Variants in SLC16A3 observed in about 807,000 individuals in gnomAD.
SLC16A3 encodes the protein monocarboxylate transporter 4.
Under a neutral mutation model 25.0 loss-of-function variants are expected in SLC16A3, and 22 were observed. The ratio of observed to expected loss-of-function variants is 0.88; its 90% confidence interval spans 0.63 to 1.26. The LOEUF (loss-of-function observed/expected upper bound fraction) is 1.26, where lower values mean the gene tolerates loss of function less well. Among genes scored for constraint, SLC16A3 ranks in the 50% most tolerant of loss-of-function variants. The pLI, the probability that SLC16A3 is intolerant of heterozygous loss-of-function variation, is 0.00. For missense variants in SLC16A3, 731 were observed against 666.6 expected, an observed-to-expected ratio of 1.10 and a Z score of -1.06; for synonymous variants, 390 against 309.2, an observed-to-expected ratio of 1.26 and a Z score of -2.74.
At position 82,238,846 on chromosome 17, in the gene SLC16A3, C is replaced by T. The variant is rs537652038; in HGVS notation, c.1268C>T (p.Ala423Val). 98 of 1,612,432 alleles carry T rather than the reference C, an allele frequency of 6.1e-5. No homozygotes were observed. The South Asian group carries it at 6.2e-4, about 10-fold the overall frequency. ...KPKEPQPEVA[A>V]AEEEKLHKPP... ...AAAGAGCCACAGCCTGAGGTGGCGGCCGCGGAGGAGGAGAAGCTCCACAAG... is the reference window on the plus strand; with the variant it reads ...AAAGAGCCACAGCCTGAGGTGGCGGTCGCGGAGGAGGAGAAGCTCCACAAG... Residue 423 changes from alanine (A) to valine (V), a missense_variant, in exon 5 of 5, where the codon GCC becomes GTC. Transcript: ENST00000582743.
chr17:82,225,165 G>A (rs868414121), upstream of SLC16A3, among the ~76,000 whole-genome samples: 1 of 152,170 alleles, frequency 6.6e-6, no homozygotes, highest in Non-Finnish European at 1.5e-5. Context: ...AGGAGGCTGA[G>A]GCAGGAAAAT....
intron 1 of SLC16A3, chr17:82,234,966 C>T (rs1230672358): frequency 1.3e-5 from 2 of 152,252 alleles, no homozygotes; most frequent in African/African-American, 4.8e-5. Context: ...GCCGGTTGGA[C>T]TAGACCACCC....
upstream of SLC16A3, among the ~76,000 whole-genome samples, chr17:82,226,860 G>T (rs1438147730): frequency 6.6e-6 from 1 of 152,146 alleles, no homozygotes; most frequent in Non-Finnish European, 1.5e-5. Context: ...CAAGTGGCCT[G>T]CTTGATAGCT....
rs1255477767 is a variant in SLC16A3, at chr17:82,237,746, A to G, written c.976A>G (p.Ile326Val). The G allele has an allele frequency of 1.9e-6, 3 of 1,612,020 alleles. No individual in the cohort carries two copies. Among genetic ancestry groups the G allele is most frequent in the Non-Finnish European group, 1.7e-6 (2 of 1,179,934 alleles). The change falls in exon 4 of 5, where the codon ATC becomes GTC. Residue 326 changes from isoleucine (I) to valine (V), a missense_variant. Coordinates refer to ENST00000582743, the MANE Select transcript of SLC16A3 (RefSeq NM_004207.4). The stretch of plus-strand genomic sequence containing the variant: ...CTACGGCGGCCTCGTGGTCTTCTGC[A>G]TCTTCTTTGGCATCTCCTACGGCAT... ...GDYGGLVVFC[I>V]FFGISYGMVG...
Position 82,237,514 on chromosome 17 carries a change from C to G in SLC16A3, c.744C>G (p.Phe248Leu), listed in dbSNP as rs61742925. The part of the protein sequence containing the change: ...MVLGLFVPPV[F>L]VVSYAKDLGV... ...TGGGGCTCTTCGTCCCGCCCGTGTT[C>G]GTGGTGAGCTACGCCAAGGACCTGG... Residue 248 changes from phenylalanine (F) to leucine (L), a missense_variant, in exon 4 of 5, where the codon TTC becomes TTG. By Grantham distance (22) the Phe-to-Leu change is conservative (BLOSUM62 0). Transcript: ENST00000582743. The G allele has an allele frequency of 6.2e-7, 1 of 1,611,654 alleles. No homozygotes were observed. The highest frequency in any genetic ancestry group is 8.5e-7 in the Non-Finnish European group (1 of 1,179,528).
At chr17:82,230,338 A>G (rs1248031857) in intron 1 of SLC16A3, 2 of 152,282 alleles carry the variant, frequency 1.3e-5, no homozygotes, top group African/African-American at 2.4e-5. Flanking sequence ...CCAGGGCCCC[A>G]TGGTGTGGAC....
intron 1 of SLC16A3, chr17:82,230,822 A>C (rs894688094): frequency 1.1e-4 from 16 of 152,108 alleles, no homozygotes; most frequent in African/African-American, 3.9e-4. Flanking sequence ...CACCTGCCCG[A>C]GTCAGGCCCA....
At chr17:82,224,840 C>T (rs2050412404), upstream of SLC16A3, among the ~76,000 whole-genome samples, 1 of 152,180 alleles carries the variant, frequency 6.6e-6, no homozygotes, top group African/African-American at 2.4e-5. Flanking sequence ...CTCTCATAAC[C>T]CTACACCATG....
chr17:82,229,479 A>G (rs111485030), intron 1 of SLC16A3: 1 of 152,078 alleles, frequency 6.6e-6, no homozygotes, highest in African/African-American at 2.4e-5. Flanking sequence ...GGCGCGGGCT[A>G]TATTTGGTGG....
At position 82,238,957 on chromosome 17, in the gene SLC16A3, C is replaced by G. The variant is rs2050694227; in HGVS notation, c.1379C>G (p.Thr460Ser). 1.3e-6 allele frequency: 2 copies of G among 1,542,046 alleles called. No individual in the cohort carries two copies. The highest frequency in any genetic ancestry group is 1.8e-6 in the Non-Finnish European group (2 of 1,138,528). The stretch of plus-strand genomic sequence containing the variant: ...GAGAAAAACGGGGAGGTGGTTCACA[C>G]CCCGGAAACAAGTGTCTGAGTGGCT... ...EPEKNGEVVH[T>S]PETSV Residue 460 changes from threonine (T) to serine (S), a missense_variant, in exon 5 of 5, where the codon ACC becomes AGC. Coordinates refer to ENST00000582743, the MANE Select transcript of SLC16A3 (RefSeq NM_004207.4).
intron 4 of SLC16A3, among the ~76,000 whole-genome samples, chr17:82,238,136 G>T (rs572947520): frequency 1.2e-4 from 18 of 152,366 alleles, no homozygotes; most frequent in African/African-American, 4.1e-4. Context: ...TGGGCCCGGG[G>T]GGGGGCAGCT....
upstream of SLC16A3, among the ~76,000 whole-genome samples, chr17:82,227,306 G>A (rs2050429305): frequency 6.6e-6 from 1 of 152,106 alleles, no homozygotes; most frequent in East Asian, 1.9e-4. Context: ...CCCTGTTGCT[G>A]CTCTACGGTG....
intron 1 of SLC16A3, chr17:82,233,635 A>G (rs1437013144): frequency 1.3e-5 from 2 of 152,314 alleles, no homozygotes; most frequent in Non-Finnish European, 2.9e-5. Context: ...TGCAGGGGGA[A>G]CCTGGGGTAT....
At chr17:82,220,488 C>T (rs955688719) in intron 1 of SLC16A3, among the ~76,000 whole-genome samples, 10 of 152,122 alleles carry the variant, frequency 6.6e-5, no homozygotes, top group East Asian at 3.8e-4. Context: ...TAATAGATTC[C>T]GGCCAGGCAT....
At chr17:82,228,114 C>G (rs1445249683), upstream of SLC16A3, among the ~76,000 whole-genome samples, 2 of 152,262 alleles carry the variant, frequency 1.3e-5, no homozygotes, top group African/African-American at 4.8e-5. Context: ...TCCTGTGGCC[C>G]TGGCAGGGTG....
upstream of SLC16A3, among the ~76,000 whole-genome samples, chr17:82,223,802 G>A (rs1399309434): frequency 6.6e-6 from 1 of 152,026 alleles, no homozygotes; most frequent in Non-Finnish European, 1.5e-5. Flanking sequence ...TGGAATGACC[G>A]CTCAGGATCC....
upstream of SLC16A3, among the ~76,000 whole-genome samples, chr17:82,223,742 G>A (rs946591161): frequency 2.0e-5 from 3 of 152,006 alleles, no homozygotes; most frequent in Non-Finnish European, 4.4e-5. Context: ...AAGAGACTGA[G>A]GTCCAGAGAG....
At position 82,239,063 on chromosome 17, in the gene SLC16A3, G is replaced by A; in HGVS notation, c.*87G>A. On this transcript the variant is annotated 3_prime_UTR_variant, in exon 5 of 5. Coordinates refer to ENST00000582743, the MANE Select transcript of SLC16A3 (RefSeq NM_004207.4). ...TATTTTACAAACTGGACTGGCTCAG[G>A]CAGGGCCACGGCTGGGCTCCAGCTG... is the stretch of plus-strand genomic sequence containing the variant. 3.0e-6 allele frequency: 4 copies of A among 1,332,518 alleles called. No homozygotes were observed. In the South Asian group the frequency reaches 6.4e-5, roughly 21 times the overall value. 82.5% of individuals were successfully genotyped at this position (1,332,518 alleles called of 1,614,324 possible). A position where few individuals can be genotyped will look rare whatever the true frequency, so the allele number is the denominator to read the frequency against.
chr17:82,221,481 C>G (rs1208116515), intron 1 of SLC16A3, among the ~76,000 whole-genome samples: 3 of 152,068 alleles, frequency 2.0e-5, no homozygotes, highest in Non-Finnish European at 2.9e-5. Context: ...GCGGGGAAGA[C>G]TCGTGTGAAC....
Sources: allele counts gnomAD v4.1 joint callset (sites outside exome capture counted in the v4.1 genomes callset), GRCh38; gene constraint gnomAD v4.1.1; transcripts MANE v1.5; gene names NCBI Gene and HGNC (gene_info 2026-07-23, HGNC 2026-07-21).